The following DIAPH2 variants were observed in gnomAD, a reference collection of about 807,000 sequenced individuals.
DIAPH2 encodes protein diaphanous homolog 2.
In DIAPH2, 35 loss-of-function variants were observed where a neutral mutation model predicts 92.7. The observed-to-expected ratio is 0.38, with a 90% CI of 0.29 to 0.50. DIAPH2 has a LOEUF of 0.50. DIAPH2 is among the 20% of genes least tolerant of loss of function. The pLI, the probability that DIAPH2 is intolerant of heterozygous loss-of-function variation, is 0.94. For missense variants in DIAPH2, 701 were observed against 819.5 expected (o/e 0.86, Z 1.77); for synonymous variants, 301 against 280.4 (o/e 1.07, Z -0.73).
At chrX:97,030,658 C>A (rs767437530) in intron 17 of DIAPH2, among the ~76,000 whole-genome samples, 128 of 111,316 alleles carry the variant, frequency 1.1e-3, no homozygotes, top group Non-Finnish European at 2.1e-3. Context: ...TTTAGTGTTT[C>A]CCCTTGTGTT....
At chrX:96,814,257 G>A (rs1057371774) in intron 4 of DIAPH2, among the ~76,000 whole-genome samples, 2 of 110,960 alleles carry the variant, frequency 1.8e-5, no homozygotes, top group African/African-American at 3.3e-5. Context: ...TTCTCCTCTC[G>A]CTTTATTTCA....
intron 22 of DIAPH2, among the ~76,000 whole-genome samples, chrX:97,171,426 A>T (rs1291906677): frequency 8.9e-6 from 1 of 111,860 alleles, no homozygotes; most frequent in Non-Finnish European, 1.9e-5. Flanking sequence ...AAATACTCTG[A>T]TAATGGTCGG....
At chrX:97,333,169 A>T (rs1044206161) in intron 23 of DIAPH2, among the ~76,000 whole-genome samples, 3 of 111,849 alleles carry the variant, frequency 2.7e-5, no homozygotes, top group African/African-American at 9.7e-5. Context: ...GAGCCTTGTT[A>T]AAGTACTGTC....
At chrX:97,032,000 G>A in intron 17 of DIAPH2, among the ~76,000 whole-genome samples, 1 of 111,899 alleles carries the variant, frequency 8.9e-6, no homozygotes, top group East Asian at 2.8e-4. Flanking sequence ...GTAAGTGATA[G>A]GTAGTGTACT....
At chrX:97,446,858 C>CAA (rs1161893607) in intron 26 of DIAPH2, among the ~76,000 whole-genome samples, 223 of 65,913 alleles carry the variant, frequency 3.4e-3, no homozygotes, top group African/African-American at 9.1e-3. Flanking sequence ...TTAAATGTTG[C>CAA]AAAAAAAAAA....
At chrX:97,440,817 G>A (rs767070531) in intron 26 of DIAPH2, among the ~76,000 whole-genome samples, 1 of 109,842 alleles carries the variant, frequency 9.1e-6, no homozygotes, top group Non-Finnish European at 1.9e-5. Context: ...AATAGACATG[G>A]GAGACTCAAA....
At chrX:96,845,829 G>C (rs745944029) in intron 4 of DIAPH2, among the ~76,000 whole-genome samples, 2 of 111,942 alleles carry the variant, frequency 1.8e-5, no homozygotes, top group East Asian at 5.6e-4. Context: ...TACTCAGGCT[G>C]GAGTGCAGTG....
At chrX:96,815,025 AG>A (rs2064720120) in intron 4 of DIAPH2, among the ~76,000 whole-genome samples, 1 of 112,308 alleles carries the variant, frequency 8.9e-6, no homozygotes, top group African/African-American at 3.2e-5. Context: ...CTGTTCTCAG[AG>A]TTCAAACCTC....
intron 25 of DIAPH2, among the ~76,000 whole-genome samples, chrX:97,386,494 A>C (rs5920911): frequency 0.09 from 9,942 of 110,135 alleles, 590 homozygotes; most frequent in African/African-American, 0.22. Context: ...ATGGTGAAAC[A>C]CCGTCTCTAC....
chrX:96,887,969 A>ATG lies in DIAPH2; in HGVS notation c.587+6263_587+6264dup, dbSNP rs1214626068. On this transcript the variant is annotated intron_variant, in intron 5 of 26. Coordinates refer to ENST00000324765, the MANE Select transcript of DIAPH2 (RefSeq NM_006729.5). ...GTGTGTATGTGTTGTGCGTGTGTGTATGTGTGTGTGTGTATGTGTGTGTGT... is the reference window on the plus strand; with the variant it reads ...GTGTGTATGTGTTGTGCGTGTGTGTATGTGTGTGTGTGTGTATGTGTGTGTGT... 7.6e-3 allele frequency among the ~76,000 whole-genome samples: 824 copies of ATG among 108,254 alleles called. 7 individuals are homozygous for ATG. The highest frequency in any genetic ancestry group is 0.027 in the African/African-American group (792 of 29,689). The allele number at this position is 108,254 out of a possible 115,157, so 94.0% of individuals were successfully genotyped here.
chrX:97,455,833 G>A (rs770683678), intron 26 of DIAPH2, among the ~76,000 whole-genome samples: 1 of 112,015 alleles, frequency 8.9e-6, no homozygotes, highest in Admixed American at 9.4e-5. Flanking sequence ...ATTGTTTACT[G>A]AATCATATGC....
At chrX:97,297,831 G>T (rs1460518907) in intron 23 of DIAPH2, among the ~76,000 whole-genome samples, 1 of 110,179 alleles carries the variant, frequency 9.1e-6, no homozygotes, top group Non-Finnish European at 1.9e-5. Context: ...ACCTATTCCT[G>T]ATTCTTTTCT....
chrX:97,595,004 C>T (rs1463157830), intron 26 of DIAPH2, among the ~76,000 whole-genome samples: 3 of 111,655 alleles, frequency 2.7e-5, no homozygotes, highest in African/African-American at 9.8e-5. Flanking sequence ...CAGCCTTGTA[C>T]TTTTGGCACT....
chrX:97,093,232 A>AG (rs769085751), intron 19 of DIAPH2, among the ~76,000 whole-genome samples: 23 of 35,360 alleles, frequency 6.5e-4, no homozygotes, highest in African/African-American at 7.9e-4. Flanking sequence ...GGAGGGAGGG[A>AG]GGGGGGGAAA....
At chrX:97,253,015 G>A (rs903741659) in intron 23 of DIAPH2, among the ~76,000 whole-genome samples, 10 of 111,586 alleles carry the variant, frequency 9.0e-5, no homozygotes, top group Non-Finnish European at 1.9e-4. Context: ...GGGGCCGGGT[G>A]CAATGGCTCA....
chrX:96,957,492 C>G (rs1168560257), intron 15 of DIAPH2, among the ~76,000 whole-genome samples: 1 of 111,362 alleles, frequency 9.0e-6, no homozygotes, highest in African/African-American at 3.3e-5. Flanking sequence ...CGTATAAAAC[C>G]TTCAGGTCTT....
chrX:96,713,628 A>G (rs1434287531), intron 1 of DIAPH2, among the ~76,000 whole-genome samples: 2 of 111,883 alleles, frequency 1.8e-5, no homozygotes, highest in East Asian at 5.6e-4. Flanking sequence ...AAAATCCTCT[A>G]TTCACCACCT....
In DIAPH2 at chrX:96,945,532, T is replaced by C. The variant is rs1462730780; in HGVS notation, c.1450T>C (p.Cys484Arg). ...DIDLTHLIDS[C>R]VNKAKVEESE... Reference sequence around the variant, plus strand: ...CTTTTGTTTGATCTTAATAGATTCTTGTGTGAACAAGGCGAAAGTTGAAGA... The same window carrying C: ...CTTTTGTTTGATCTTAATAGATTCTCGTGTGAACAAGGCGAAAGTTGAAGA... Residue 484 changes from cysteine (C) to arginine (R), a missense_variant, in exon 14 of 27, where the codon TGT (cysteine) becomes CGT (arginine). Around this residue, in one of 3 missense-constraint regions of DIAPH2, gnomAD observed 536 missense variants for 599.3 expected, o/e 0.89. Coordinates refer to ENST00000324765, the MANE Select transcript of DIAPH2 (RefSeq NM_006729.5). 1.5e-5 allele frequency: 18 copies of C among 1,163,276 alleles called. No individual in the cohort carries two copies. Among genetic ancestry groups the C allele is most frequent in the Non-Finnish European group, 2.1e-5 (18 of 877,231 alleles).
chrX:96,899,568 CA>C (rs2147768917), intron 5 of DIAPH2, among the ~76,000 whole-genome samples: 1 of 111,142 alleles, frequency 9.0e-6, no homozygotes, highest in South Asian at 3.8e-4. Context: ...GATTTTTGTA[CA>C]TTGATTTTGT....
Sources: allele counts gnomAD v4.1 joint callset (sites outside exome capture counted in the v4.1 genomes callset), GRCh38; gene constraint gnomAD v4.1.1; regional missense constraint gnomAD v4.1.1; transcripts MANE v1.5; gene names NCBI Gene and HGNC (gene_info 2026-07-23, HGNC 2026-07-21).